Variants in LOC400499 observed in about 807,000 individuals in gnomAD.
At chr16:11,522,916 C>T in the LOC400499 span, among the ~76,000 whole-genome samples, 1 of 152,170 alleles carries the variant, frequency 6.6e-6, no homozygotes, top group Non-Finnish European at 1.5e-5. Context: ...CCAGCCAAAT[C>T]TCTAACCTTC....
the LOC400499 span, among the ~76,000 whole-genome samples, chr16:11,382,559 CAGAAGT>C: frequency 6.7e-6 from 1 of 149,802 alleles, no homozygotes; most frequent in South Asian, 2.1e-4. Context: ...CATTTGGTCA[CAGAAGT>C]CATCTGCTGT....
the LOC400499 span, chr16:11,457,016 C>T: frequency 6.5e-7 from 1 of 1,533,178 alleles, no homozygotes; most frequent in Non-Finnish European, 8.7e-7. Flanking sequence ...AATCCACCTG[C>T]CTCTCAGGCA....
At chr16:11,500,598 A>C in the LOC400499 span, among the ~76,000 whole-genome samples, 1 of 152,016 alleles carries the variant, frequency 6.6e-6, no homozygotes, top group Non-Finnish European at 1.5e-5. Context: ...TGGGAGGCAC[A>C]TTGCTGACCC....
chr16:11,516,137 C>T, the LOC400499 span: 9 of 399,870 alleles, frequency 2.3e-5, 1 homozygote, highest in East Asian at 3.2e-4. Flanking sequence ...ATCTCCTGGC[C>T]TCACCTCATC....
the LOC400499 span, chr16:11,471,380 CA>C: frequency 3.1e-6 from 1 of 320,368 alleles, no homozygotes; most frequent in Non-Finnish European, 5.6e-6. Flanking sequence ...CGGCAAGTCA[CA>C]AAAGAATATG....
At chr16:11,493,433 A>AATCATATGGTTG in the LOC400499 span, among the ~76,000 whole-genome samples, 1 of 152,190 alleles carries the variant, frequency 6.6e-6, no homozygotes, top group African/African-American at 2.4e-5. Flanking sequence ...TGGCACTGGT[A>AATCATATGGTTG]ATCATATGGT....
chr16:11,475,080 T>C, the LOC400499 span, among the ~76,000 whole-genome samples: 1 of 152,226 alleles, frequency 6.6e-6, no homozygotes. Flanking sequence ...AAGTGACTAT[T>C]CCCTTCCCTG....
chr16:11,459,607 C>T, the LOC400499 span, among the ~76,000 whole-genome samples: 1 of 152,170 alleles, frequency 6.6e-6, no homozygotes, highest in Admixed American at 6.5e-5. Flanking sequence ...AAGAACCCAC[C>T]CTCTGGGAAA....
chr16:11,499,813 G>A, the LOC400499 span, among the ~76,000 whole-genome samples: 1 of 152,156 alleles, frequency 6.6e-6, no homozygotes, highest in Non-Finnish European at 1.5e-5. Flanking sequence ...GATGGGGAGT[G>A]ACAGGTGACA....
the LOC400499 span, among the ~76,000 whole-genome samples, chr16:11,525,030 A>C: frequency 6.6e-6 from 1 of 152,128 alleles, no homozygotes; most frequent in African/African-American, 2.4e-5. Flanking sequence ...CATGCCTGTA[A>C]TCCCAGTACT....
At chr16:11,497,249 T>C in the LOC400499 span, among the ~76,000 whole-genome samples, 3 of 152,190 alleles carry the variant, frequency 2.0e-5, no homozygotes, top group African/African-American at 7.2e-5. Flanking sequence ...TGCATGCGTG[T>C]GGGTCTTGGC....
the LOC400499 span, among the ~76,000 whole-genome samples, chr16:11,445,463 G>T: frequency 6.6e-6 from 1 of 152,064 alleles, no homozygotes; most frequent in East Asian, 1.9e-4. Flanking sequence ...CATCGCTAGG[G>T]TAAGCACGGG....
At chr16:11,373,379 C>T in the LOC400499 span, among the ~76,000 whole-genome samples, 10 of 152,244 alleles carry the variant, frequency 6.6e-5, no homozygotes, top group African/African-American at 1.7e-4. Flanking sequence ...GAGTCTCGCG[C>T]TATCACCCAG....
chr16:11,491,709 G>A, the LOC400499 span: 9 of 397,954 alleles, frequency 2.3e-5, no homozygotes, highest in African/African-American at 4.1e-5. Flanking sequence ...ACCCTGGGTG[G>A]AGAGCTCGCC....
At chr16:11,412,424 G>C in the LOC400499 span, among the ~76,000 whole-genome samples, 149 of 152,316 alleles carry the variant, frequency 9.8e-4, no homozygotes, top group African/African-American at 3.4e-3. Flanking sequence ...CCCTAGGTGA[G>C]AACCACTGGT....
At chr16:11,409,894 G>A in the LOC400499 span, among the ~76,000 whole-genome samples, 1 of 152,200 alleles carries the variant, frequency 6.6e-6, no homozygotes, top group Non-Finnish European at 1.5e-5. Context: ...AAGATGGAAA[G>A]ATATTAACAA....
the LOC400499 span, among the ~76,000 whole-genome samples, chr16:11,400,820 C>T: frequency 8.9e-3 from 1,348 of 152,208 alleles, 23 homozygotes; most frequent in African/African-American, 0.03. Context: ...TTCTGGAGAG[C>T]GTCTTTTGCC....
chr16:11,448,436 C>T, the LOC400499 span, among the ~76,000 whole-genome samples: 5 of 152,234 alleles, frequency 3.3e-5, no homozygotes, highest in East Asian at 3.9e-4. Flanking sequence ...CCCAACACTT[C>T]GGGAGGCTGA....
At chr16:11,391,771 C>G in the LOC400499 span, 1 of 1,232,256 alleles carries the variant, frequency 8.1e-7, no homozygotes, top group Non-Finnish European at 1.0e-6. Context: ...GTGGCTACTG[C>G]CCAACCACTC....
Sources: allele counts gnomAD v4.1 joint callset (sites outside exome capture counted in the v4.1 genomes callset), GRCh38; gene constraint gnomAD v4.1.1; transcripts MANE v1.5.